The following TTYH1 variants were observed in gnomAD, a reference collection of about 807,000 sequenced individuals.
TTYH1 encodes the protein protein tweety homolog 1.
Under a neutral mutation model 61.2 loss-of-function variants are expected in TTYH1, and 33 were observed. That is an observed-to-expected ratio of 0.54 (90% CI 0.41 to 0.72). The LOEUF is 0.72. Ranked by LOEUF, TTYH1 falls within the 30% of genes least tolerant of loss-of-function variation. The pLI is 0.00. For synonymous variants in TTYH1, 308 were observed against 266.4 expected, an observed-to-expected ratio of 1.16 and a Z score of -1.52; for missense variants, 538 against 575.8, an observed-to-expected ratio of 0.93 and a Z score of 0.67.
chr19:54,416,905 G>T lies in TTYH1; in HGVS notation c.126+1227G>T, dbSNP rs755041231. ...CCCGAAGCCGCACGCGGGGATCCGC[G>T]GCCCCAGTCACCGCCAGAGGCACGG... On this transcript the variant is annotated intron_variant, in intron 1 of 13. Transcript: ENST00000376530. This position sits in a 1 kb window ranked among gnomAD's most constrained non-coding sequence, Gnocchi z 7.0. 7.8e-5 allele frequency: 100 copies of T among 1,285,726 alleles called. No homozygotes were observed. The highest frequency in any genetic ancestry group is 9.6e-5 in the Non-Finnish European group (95 of 985,540). 79.6% of individuals were successfully genotyped at this position (1,285,726 alleles called of 1,614,324 possible).
chr19:54,419,598 T>A lies in TTYH1; in HGVS notation c.305+292T>A. ...TGGTTTTGGTGGCTCTCCCATTGAA[T>A]AGCTGTGTGACCTAAGGGAGTGATA... On this transcript the variant is annotated intron_variant, in intron 2 of 13. Transcript: ENST00000376530. This position sits in a 1 kb window ranked among gnomAD's most constrained non-coding sequence, Gnocchi z 6.1. 4 of 649,614 alleles carry A rather than the reference T, an allele frequency of 6.2e-6. No individual in the cohort carries two copies. The highest frequency in any genetic ancestry group is 8.5e-6 in the Non-Finnish European group (3 of 351,378). 40.2% of individuals were successfully genotyped at this position (649,614 alleles called of 1,614,324 possible). A position where few individuals can be genotyped will look rare whatever the true frequency, so the allele number is the denominator to read the frequency against.
intron 4 of TTYH1, among the ~76,000 whole-genome samples, chr19:54,424,122 C>T (rs1193344872): frequency 2.0e-5 from 3 of 151,552 alleles, no homozygotes; most frequent in Non-Finnish European, 2.9e-5. Flanking sequence ...GATCGTGCCA[C>T]TGCACTCCAG....
intron 4 of TTYH1, among the ~76,000 whole-genome samples, chr19:54,423,821 C>T (rs995124540): frequency 2.0e-5 from 3 of 152,112 alleles, no homozygotes; most frequent in African/African-American, 4.8e-5. Flanking sequence ...AAGGGACAAA[C>T]GCAGAGAAAA....
chr19:54,435,999 G>C (rs1189803680), intron 12 of TTYH1, 92 bp from the exon 13 acceptor site: 21 of 1,574,790 alleles, frequency 1.3e-5, no homozygotes, highest in Admixed American at 5.0e-5. Flanking sequence ...CGGACTCCTG[G>C]GTCTGAGGGA....
Position 54,416,650 on chromosome 19 carries a change from C to T in TTYH1, c.126+972C>T. The T allele has an allele frequency of 1.1e-6, 1 of 934,708 alleles. No individual in the cohort carries two copies. The highest frequency in any genetic ancestry group is 1.4e-6 in the Non-Finnish European group (1 of 696,352). 57.9% of individuals were successfully genotyped at this position (934,708 alleles called of 1,614,324 possible). On this transcript the variant is annotated intron_variant, in intron 1 of 13. Transcript: ENST00000376530. The surrounding 1 kb of genome is among the most constrained non-coding windows in gnomAD (Gnocchi z 7.0). The stretch of plus-strand genomic sequence containing the variant: ...AGCTCAGGGGGCGTGGAGGGGGTCC[C>T]AGAAAAGCGCGGAGGGGATGAGTGC...
chr19:54,428,942 CA>C (rs1414669018), intron 5 of TTYH1, among the ~76,000 whole-genome samples: 1 of 152,198 alleles, frequency 6.6e-6, no homozygotes, highest in African/African-American at 2.4e-5. Flanking sequence ...TCAGAGGAGA[CA>C]GGGCAGAGCC....
intron 5 of TTYH1, among the ~76,000 whole-genome samples, chr19:54,427,250 T>TTG (rs2083339705): frequency 7.9e-6 from 1 of 126,088 alleles, no homozygotes; most frequent in Admixed American, 8.7e-5. Flanking sequence ...TGAGCCAAGA[T>TTG]CACACACCAT....
Position 54,436,244 on chromosome 19 carries a change from G to A in TTYH1, c.*42+73G>A. ...CCCTCCCGCCCTCCGAGCTGCTCCA[G>A]GCATGGGCTGCGTGCCTCCTGCTGG... is the stretch of plus-strand genomic sequence containing the variant. On this transcript the variant is annotated intron_variant, in intron 13 of 13. Transcript: ENST00000376530. The surrounding 1 kb of genome is among the most constrained non-coding windows in gnomAD (Gnocchi z 4.3). 6.2e-7 allele frequency: 1 copy of A among 1,608,998 alleles called. No individual in the cohort carries two copies. Among genetic ancestry groups the A allele is most frequent in the South Asian group, 1.1e-5 (1 of 90,862 alleles).
chr19:54,435,811 C>G lies in TTYH1; in HGVS notation c.1269-17C>G. On this transcript the variant is annotated splice_polypyrimidine_tract_variant and intron_variant, in intron 11 of 13. Coordinates refer to ENST00000376530, the MANE Select transcript of TTYH1 (RefSeq NM_020659.4). ...TCCCCATCCCGCCTCTCTGCCATGC[C>G]CCGCATCAAACCCCAGTGACGACTA... The G allele has an allele frequency of 6.2e-7, 1 of 1,613,914 alleles. No homozygotes were observed. The highest frequency in any genetic ancestry group is 1.1e-5 in the South Asian group (1 of 91,038).
In TTYH1 at chr19:54,419,028, C is replaced by T. The variant is rs1027522774; in HGVS notation, c.127-100C>T. On this transcript the variant is annotated intron_variant, in intron 1 of 13. Coordinates refer to ENST00000376530, the MANE Select transcript of TTYH1 (RefSeq NM_020659.4). The surrounding 1 kb of genome is among the most constrained non-coding windows in gnomAD (Gnocchi z 6.1). ...GCCAGGGATGTCTCCCACCTTCACT[C>T]TGACATCCCAGACCCCGACCCCCCA... The T allele has an allele frequency of 1.1e-5, 14 of 1,226,998 alleles. No individual in the cohort carries two copies. The highest frequency in any genetic ancestry group is 6.8e-5 in the Admixed American group (3 of 44,202). The allele number at this position is 1,226,998 out of a possible 1,614,324, so 76.0% of individuals were successfully genotyped here.
At chr19:54,435,243 G>A in intron 10 of TTYH1, 1 of 377,952 alleles carries the variant, frequency 2.6e-6, no homozygotes, top group Non-Finnish European at 4.8e-6. Context: ...GGTGCTGACT[G>A]GGGAGGACCC....
In TTYH1 at chr19:54,429,992, G is replaced by T; in HGVS notation, c.883+35G>T. ...AAGGGCCCGGTGGGTCCGCCGGGTT[G>T]GGCAGTGCAGGCCCTGGCTTCCTCA... On this transcript the variant is annotated intron_variant, in intron 7 of 13. Transcript: ENST00000376530. This position sits in a 1 kb window ranked among gnomAD's most constrained non-coding sequence, Gnocchi z 5.1. 6.3e-7 allele frequency: 1 copy of T among 1,584,496 alleles called. No homozygotes were observed. The highest frequency in any genetic ancestry group is 2.2e-5 in the East Asian group (1 of 44,722).
Position 54,429,576 on chromosome 19 carries a change from G to A in TTYH1, c.807+197G>A, listed in dbSNP as rs941602652. On this transcript the variant is annotated intron_variant, in intron 6 of 13. Coordinates refer to ENST00000376530, the MANE Select transcript of TTYH1 (RefSeq NM_020659.4). The surrounding 1 kb of genome is among the most constrained non-coding windows in gnomAD (Gnocchi z 5.1). Reference sequence around the variant, plus strand: ...TGGACGTTTGAGCTGTAATGGAGGAGGGGCTGGAAACCTGGATTCCTAGGT... The same window carrying A: ...TGGACGTTTGAGCTGTAATGGAGGAAGGGCTGGAAACCTGGATTCCTAGGT... 6.6e-6 allele frequency among the ~76,000 whole-genome samples: 1 copy of A among 152,072 alleles called. No homozygotes were observed. Among genetic ancestry groups the A allele is most frequent in the African/African-American group, 2.4e-5 (1 of 41,412 alleles).
In TTYH1 at chr19:54,416,907, C is replaced by T; in HGVS notation, c.126+1229C>T. Reference sequence around the variant, plus strand: ...CGAAGCCGCACGCGGGGATCCGCGGCCCCAGTCACCGCCAGAGGCACGGGT... The same window carrying T: ...CGAAGCCGCACGCGGGGATCCGCGGTCCCAGTCACCGCCAGAGGCACGGGT... On this transcript the variant is annotated intron_variant, in intron 1 of 13. Transcript: ENST00000376530. This position sits in a 1 kb window ranked among gnomAD's most constrained non-coding sequence, Gnocchi z 7.0. 7.8e-7 allele frequency: 1 copy of T among 1,285,020 alleles called. No homozygotes were observed. The highest frequency in any genetic ancestry group is 1.0e-6 in the Non-Finnish European group (1 of 985,168). The allele number at this position is 1,285,020 out of a possible 1,614,324, so 79.6% of individuals were successfully genotyped here.
chr19:54,421,014 G>A lies in TTYH1; in HGVS notation c.306-263G>A, dbSNP rs2122873289. Among the ~76,000 whole-genome samples the A allele has an allele frequency of 6.6e-6, 1 of 152,114 alleles. No individual in the cohort carries two copies. The highest frequency in any genetic ancestry group is 3.4e-3 in the Middle Eastern group (1 of 294). On this transcript the variant is annotated intron_variant, in intron 2 of 13. Coordinates refer to ENST00000376530, the MANE Select transcript of TTYH1 (RefSeq NM_020659.4). This position sits in a 1 kb window ranked among gnomAD's most constrained non-coding sequence, Gnocchi z 4.8. The stretch of plus-strand genomic sequence containing the variant: ...TCCAGGGAGGTGCGAGTTAAATCGG[G>A]GGCTCCCTCCCCCCCACCACTCCAC...
At chr19:54,425,876 C>T (rs1317365319) in intron 4 of TTYH1, among the ~76,000 whole-genome samples, 8 of 152,138 alleles carry the variant, frequency 5.3e-5, no homozygotes, top group East Asian at 1.9e-4. Context: ...CCACCACGCC[C>T]GGCTAATTGT....
chr19:54,421,426 C>A lies in TTYH1; in HGVS notation c.417+38C>A, dbSNP rs2083215581. ...CAACCAGTGGGACCCCAGACCCACACCTGGACGGGCTCCCCACACCCAAGG... is the reference window on the plus strand; with the variant it reads ...CAACCAGTGGGACCCCAGACCCACAACTGGACGGGCTCCCCACACCCAAGG... On this transcript the variant is annotated intron_variant, in intron 3 of 13. Transcript: ENST00000376530. This position sits in a 1 kb window ranked among gnomAD's most constrained non-coding sequence, Gnocchi z 4.8. 5 of 1,368,472 alleles carry A rather than the reference C, an allele frequency of 3.7e-6. No individual in the cohort carries two copies. Among genetic ancestry groups the A allele is most frequent in the Non-Finnish European group, 4.2e-6 (4 of 956,068 alleles). 84.8% of individuals were successfully genotyped at this position (1,368,472 alleles called of 1,614,324 possible).
In TTYH1 at chr19:54,421,820, G is replaced by A. The variant is rs953168082; in HGVS notation, c.418-370G>A. ...GGGCTGAGGCCTGGCCCCACTTCAT[G>A]CCTTAGATTCCATGTCCAGCTGCAG... On this transcript the variant is annotated intron_variant, in intron 3 of 13. Transcript: ENST00000376530. This position sits in a 1 kb window ranked among gnomAD's most constrained non-coding sequence, Gnocchi z 4.8. Among the ~76,000 whole-genome samples, 3 of 152,040 alleles carry A rather than the reference G, an allele frequency of 2.0e-5. No homozygotes were observed. Among genetic ancestry groups the A allele is most frequent in the Non-Finnish European group, 4.4e-5 (3 of 67,994 alleles).
chr19:54,426,377 G>C (rs1379418599), intron 4 of TTYH1: 1 of 443,100 alleles, frequency 2.3e-6, no homozygotes, highest in African/African-American at 2.0e-5. Context: ...AGCTCGGAGA[G>C]AACACATCAC....
Sources: allele counts gnomAD v4.1 joint callset (sites outside exome capture counted in the v4.1 genomes callset), GRCh38; gene constraint gnomAD v4.1.1; non-coding constraint Gnocchi (gnomAD v3.1); transcripts MANE v1.5; gene names NCBI Gene and HGNC (gene_info 2026-07-23, HGNC 2026-07-21).